Variants in PPP2R2B observed in about 807,000 individuals in gnomAD.
The protein encoded by PPP2R2B is protein phosphatase 2 regulatory subunit Bbeta.
Under a neutral mutation model 46.0 loss-of-function variants are expected in PPP2R2B, and 5 were observed. That is an observed-to-expected ratio of 0.11 (90% CI 0.06 to 0.23). The LOEUF is 0.23. Among genes scored for constraint, PPP2R2B ranks in the 10% least tolerant of loss-of-function variants. The pLI, the probability that PPP2R2B is intolerant of heterozygous loss-of-function variation, is 1.00. For missense variants in PPP2R2B, 367 were observed against 575.0 expected, an observed-to-expected ratio of 0.64 and a Z score of 3.70; for synonymous variants, 215 against 206.7, an observed-to-expected ratio of 1.04 and a Z score of -0.34.
chr5:146,887,065 A>G (rs184565124), intron 1 of PPP2R2B, among the ~76,000 whole-genome samples: 2 of 151,028 alleles, frequency 1.3e-5, no homozygotes, highest in African/African-American at 4.9e-5. Context: ...AAAAGTGAGG[A>G]AAAAAAGATG....
chr5:146,842,826 G>C (rs1027928550), intron 2 of PPP2R2B, among the ~76,000 whole-genome samples: 3 of 152,206 alleles, frequency 2.0e-5, no homozygotes, highest in Non-Finnish European at 4.4e-5. Context: ...TAGAAGGTTT[G>C]TCTCTGACAG....
Position 146,890,786 on chromosome 5 carries a change from T to A in PPP2R2B, c.79+164879A>T, listed in dbSNP as rs73796025. Among the ~76,000 whole-genome samples the A allele has an allele frequency of 2.5e-3, 386 of 152,260 alleles. 1 individual carries two copies. The highest frequency in any genetic ancestry group is 8.8e-3 in the African/African-American group (366 of 41,550). On this transcript the variant is annotated intron_variant, in intron 1 of 8. Coordinates refer to the PPP2R2B transcript ENST00000336640. ...AAGGATGAAAACCCAAGTTTATAAA[T>A]TTACAATTGAAAAGTAGCATAGGCC...
intron 2 of PPP2R2B, among the ~76,000 whole-genome samples, chr5:146,840,600 G>A (rs149932609): frequency 5.1e-4 from 78 of 152,296 alleles, no homozygotes; most frequent in Middle Eastern, 3.4e-3. Context: ...GGGGTTTGGA[G>A]GTCCATCAGC....
chr5:146,997,727 G>A (rs2151866793), intron 1 of PPP2R2B, among the ~76,000 whole-genome samples: 1 of 152,182 alleles, frequency 6.6e-6, no homozygotes, highest in Non-Finnish European at 1.5e-5. Flanking sequence ...TTTTTAGAAT[G>A]GATAGAATTT....
At chr5:146,648,080 T>C (rs2151090981) in intron 6 of PPP2R2B, among the ~76,000 whole-genome samples, 1 of 152,350 alleles carries the variant, frequency 6.6e-6, no homozygotes, top group Admixed American at 6.5e-5. Flanking sequence ...CTTTTTATCC[T>C]GGGCACACAG....
At chr5:146,927,768 C>G (rs1159462863) in intron 1 of PPP2R2B, among the ~76,000 whole-genome samples, 1 of 150,976 alleles carries the variant, frequency 6.6e-6, no homozygotes, top group Non-Finnish European at 1.5e-5. Context: ...GAGTCTCACT[C>G]TGTCACCCAG....
chr5:146,858,463 T>A (rs1360913463), intron 2 of PPP2R2B, among the ~76,000 whole-genome samples: 2 of 152,204 alleles, frequency 1.3e-5, no homozygotes, highest in African/African-American at 4.8e-5. Context: ...TACTATTGTC[T>A]TAACTTTACA....
chr5:147,027,361 G>A (rs530313685), intron 1 of PPP2R2B, among the ~76,000 whole-genome samples: 57 of 152,272 alleles, frequency 3.7e-4, no homozygotes, highest in African/African-American at 1.2e-3. Context: ...TGGGCCGGGC[G>A]CGGTGGTTCA....
chr5:146,656,248 C>A (rs192757727), intron 5 of PPP2R2B, among the ~76,000 whole-genome samples: 3 of 151,868 alleles, frequency 2.0e-5, no homozygotes, highest in Non-Finnish European at 4.4e-5. Flanking sequence ...GGGGTATGAA[C>A]AGAGACCTGA....
chr5:146,846,677 CAA>C (rs11315873), intron 2 of PPP2R2B, among the ~76,000 whole-genome samples: 11 of 145,796 alleles, frequency 7.5e-5, no homozygotes, highest in African/African-American at 2.7e-4. Context: ...GACTCTGTCT[CAA>C]AAAAAAAAAT....
chr5:146,931,847 G>T (rs1763979411), intron 1 of PPP2R2B, among the ~76,000 whole-genome samples: 1 of 152,122 alleles, frequency 6.6e-6, no homozygotes, highest in South Asian at 2.1e-4. Context: ...AATTAATAAA[G>T]AAGTTACTTT....
At chr5:146,811,578 T>TTTTA (rs1757545884) in intron 2 of PPP2R2B, among the ~76,000 whole-genome samples, 2 of 117,062 alleles carry the variant, frequency 1.7e-5, no homozygotes, top group Non-Finnish European at 3.7e-5. Context: ...TTTTTTTTTT[T>TTTTA]GAGAAGGAAT....
intron 2 of PPP2R2B, among the ~76,000 whole-genome samples, chr5:147,077,618 CA>C (rs1757828093): frequency 6.6e-6 from 1 of 152,132 alleles, no homozygotes; most frequent in African/African-American, 2.4e-5. Flanking sequence ...ATTCACTCAA[CA>C]AATACTCAAC....
At chr5:146,694,281 C>A (rs112842915) in intron 4 of PPP2R2B, among the ~76,000 whole-genome samples, 3 of 152,192 alleles carry the variant, frequency 2.0e-5, no homozygotes, top group Non-Finnish European at 2.9e-5. Flanking sequence ...TGCGCTGGAG[C>A]GAAAGGAGAT....
intron 1 of PPP2R2B, among the ~76,000 whole-genome samples, chr5:146,905,043 C>T (rs755230240): frequency 9.9e-5 from 15 of 152,102 alleles, no homozygotes; most frequent in Non-Finnish European, 2.1e-4. Context: ...CAAATAAGCA[C>T]CTGAAAATAT....
intron 1 of PPP2R2B, among the ~76,000 whole-genome samples, chr5:146,978,509 C>T (rs201895729): frequency 6.6e-5 from 10 of 152,100 alleles, no homozygotes; most frequent in East Asian, 5.8e-4. Context: ...TTACGTACTA[C>T]GTTTAAGTCT....
Position 146,903,557 on chromosome 5 carries a change from G to A in PPP2R2B, c.79+152108C>T, listed in dbSNP as rs181393889. On this transcript the variant is annotated intron_variant, in intron 1 of 8. Transcript: ENST00000336640. ...ACTATAGGTGCATGCCACCACACCT[G>A]TCTAACTTTTAAATATTTTTTGTTG... Among the ~76,000 whole-genome samples, 19 of 152,028 alleles carry A rather than the reference G, an allele frequency of 1.2e-4. No homozygotes were observed. The East Asian group carries it at 3.5e-3, about 28-fold the overall frequency.
intron 1 of PPP2R2B, among the ~76,000 whole-genome samples, chr5:146,967,638 C>T (rs1752484795): frequency 6.6e-6 from 1 of 152,084 alleles, no homozygotes; most frequent in Non-Finnish European, 1.5e-5. Flanking sequence ...TAAGGGAAGG[C>T]CCTCAGAAAA....
At chr5:146,676,782 C>T (rs1393578913) in intron 5 of PPP2R2B, among the ~76,000 whole-genome samples, 1 of 152,100 alleles carries the variant, frequency 6.6e-6, no homozygotes, top group Non-Finnish European at 1.5e-5. Context: ...AATCATAGTA[C>T]CTGGCTTACA....
Sources: allele counts gnomAD v4.1 joint callset (sites outside exome capture counted in the v4.1 genomes callset), GRCh38; gene constraint gnomAD v4.1.1; transcripts MANE v1.5; gene names NCBI Gene and HGNC (gene_info 2026-07-23, HGNC 2026-07-21).